The following CCNJL variants were observed in gnomAD, a reference collection of about 807,000 sequenced individuals.
CCNJL encodes the protein cyclin J like, also known as cyclin-J-like protein.
In CCNJL, 33 loss-of-function variants were observed where a neutral mutation model predicts 33.4. The ratio of observed to expected loss-of-function variants is 0.99; its 90% confidence interval spans 0.75 to 1.32. CCNJL has a LOEUF of 1.32. CCNJL is among the 40% of genes most tolerant of loss of function. The pLI is 0.00. For synonymous variants in CCNJL, 227 were observed against 220.9 expected (o/e 1.03, Z -0.24); for missense variants, 512 against 499.7 (o/e 1.02, Z -0.23).
intron 3 of CCNJL, among the ~76,000 whole-genome samples, chr5:160,265,135 C>T (rs1415948408): frequency 6.6e-6 from 1 of 152,110 alleles, no homozygotes. Flanking sequence ...CGCGGCCCAC[C>T]CCCAACTAGA....
Position 160,252,630 on chromosome 5 carries a change from AAATT to A in CCNJL, c.*744_*747del, listed in dbSNP as rs1427611931. Reference sequence around the variant, plus strand: ...CAAGTTGGGTTCAAACTTGGGTTCCAAATTAACAGCCCTCATGTGGGACAGGCAG... The same window carrying A: ...CAAGTTGGGTTCAAACTTGGGTTCCAAACAGCCCTCATGTGGGACAGGCAG... On this transcript the variant is annotated 3_prime_UTR_variant, in exon 6 of 6. Transcript: ENST00000257536. 2.6e-5 allele frequency: 4 copies of A among 152,650 alleles called. No individual in the cohort carries two copies. The highest frequency in any genetic ancestry group is 9.7e-5 in the African/African-American group (4 of 41,440). 9.5% of individuals were successfully genotyped at this position (152,650 alleles called of 1,614,324 possible).
chr5:160,331,284 C>T (rs748198717), intron 1 of CCNJL, among the ~76,000 whole-genome samples: 4 of 147,072 alleles, frequency 2.7e-5, no homozygotes, highest in Admixed American at 1.4e-4. Flanking sequence ...AGTGCGGTGG[C>T]GTGATCTTGG....
At chr5:160,335,645 G>A (rs72814338) in intron 1 of CCNJL, among the ~76,000 whole-genome samples, 8,458 of 151,906 alleles carry the variant, frequency 0.056, 306 homozygotes, top group East Asian at 0.15. Context: ...ATCATAGCTC[G>A]CTGCAGCCTT....
chr5:160,279,236 G>C (rs1479733509), intron 3 of CCNJL, among the ~76,000 whole-genome samples: 1 of 152,122 alleles, frequency 6.6e-6, no homozygotes, highest in Non-Finnish European at 1.5e-5. Flanking sequence ...GGCAGGGAGG[G>C]GAAATGAATA....
At chr5:160,290,152 CT>C (rs1762536560) in intron 2 of CCNJL, among the ~76,000 whole-genome samples, 1 of 152,206 alleles carries the variant, frequency 6.6e-6, no homozygotes, top group Non-Finnish European at 1.5e-5. Context: ...CTCGGTTTAA[CT>C]TTTAGTGTCC....
At chr5:160,289,013 T>C (rs1398488978) in intron 2 of CCNJL, among the ~76,000 whole-genome samples, 1 of 152,126 alleles carries the variant, frequency 6.6e-6, no homozygotes, top group African/African-American at 2.4e-5. Context: ...TGGGAAACAA[T>C]GTCTGCAATG....
intron 3 of CCNJL, among the ~76,000 whole-genome samples, chr5:160,261,628 C>G (rs1761338905): frequency 6.7e-6 from 1 of 149,688 alleles, no homozygotes; most frequent in Non-Finnish European, 1.5e-5. Context: ...CCCCCATACT[C>G]CCCCCAACAC....
At chr5:160,256,714 G>A (rs1039261624) in intron 4 of CCNJL, among the ~76,000 whole-genome samples, 1 of 151,958 alleles carries the variant, frequency 6.6e-6, no homozygotes, top group African/African-American at 2.4e-5. Flanking sequence ...TCAGGAGTTC[G>A]AGACCAGCCT....
At chr5:160,334,058 T>C (rs962566567) in intron 1 of CCNJL, among the ~76,000 whole-genome samples, 5 of 152,182 alleles carry the variant, frequency 3.3e-5, no homozygotes, top group Non-Finnish European at 2.9e-5. Context: ...TTACTGATAA[T>C]TGCAAACCAT....
At chr5:160,326,617 A>G (rs531586332) in intron 1 of CCNJL, 3 of 622,066 alleles carry the variant, frequency 4.8e-6, no homozygotes, top group South Asian at 4.8e-5. Flanking sequence ...CAGTAACTAT[A>G]GCTACTGATA....
At chr5:160,286,283 G>A (rs12654401) in intron 2 of CCNJL, among the ~76,000 whole-genome samples, 18,474 of 152,192 alleles carry the variant, frequency 0.12, 1,376 homozygotes, top group South Asian at 0.23. Flanking sequence ...TTTCCTGTAC[G>A]TGTTCCTGGG....
intron 3 of CCNJL, among the ~76,000 whole-genome samples, chr5:160,260,228 C>T (rs1267820440): frequency 6.6e-6 from 1 of 152,216 alleles, no homozygotes. Context: ...CCACGCAAAC[C>T]TGGCCCTGTC....
intron 4 of CCNJL, chr5:160,258,228 T>C: frequency 3.2e-6 from 2 of 622,418 alleles, no homozygotes; most frequent in Non-Finnish European, 2.9e-6. Context: ...TTTTTTTTTT[T>C]TAAGACCGAG....
intron 2 of CCNJL, among the ~76,000 whole-genome samples, chr5:160,292,308 A>G (rs1254603060): frequency 1.3e-5 from 2 of 152,214 alleles, no homozygotes; most frequent in Non-Finnish European, 2.9e-5. Flanking sequence ...CTATACATAC[A>G]GATAGATATA....
At chr5:160,294,282 G>C (rs1762680934) in intron 2 of CCNJL, among the ~76,000 whole-genome samples, 1 of 152,176 alleles carries the variant, frequency 6.6e-6, no homozygotes, top group Non-Finnish European at 1.5e-5. Context: ...ACCTCTGTGG[G>C]AACACTATTT....
intron 1 of CCNJL, among the ~76,000 whole-genome samples, chr5:160,326,502 A>AG (rs1303609185): frequency 6.6e-6 from 1 of 151,670 alleles, no homozygotes; most frequent in Non-Finnish European, 1.5e-5. Flanking sequence ...AAAAAAAAAA[A>AG]AAAAAAAGCC....
At chr5:160,304,199 C>G (rs965989474) in intron 2 of CCNJL, among the ~76,000 whole-genome samples, 1 of 152,200 alleles carries the variant, frequency 6.6e-6, no homozygotes, top group Non-Finnish European at 1.5e-5. Flanking sequence ...TTTTGGTATT[C>G]TAAGACCTAA....
intron 1 of CCNJL, among the ~76,000 whole-genome samples, chr5:160,320,809 CTTTCTT>C (rs1763434140): frequency 1.2e-5 from 1 of 86,130 alleles, no homozygotes. Flanking sequence ...TTCTTTCTTT[CTTTCTT>C]TCTTTCTTTC....
At chr5:160,265,253 G>A (rs1274944290) in intron 3 of CCNJL, among the ~76,000 whole-genome samples, 2 of 152,186 alleles carry the variant, frequency 1.3e-5, no homozygotes, top group Admixed American at 6.5e-5. Context: ...CCTTTCAGGT[G>A]CTTAACCCAG....
Sources: gnomAD v4.1 joint callset for allele counts (sites outside exome capture counted in the v4.1 genomes callset) on GRCh38, gnomAD v4.1.1 for gene constraint, MANE v1.5 for transcripts, NCBI Gene and HGNC (gene_info 2026-07-23, HGNC 2026-07-21) for gene names.